The following MYH10 variants were observed in gnomAD, a reference collection of about 807,000 sequenced individuals.
MYH10 encodes myosin-10.
MYH10 carries 55 observed loss-of-function variants against 257.8 expected under a neutral mutation model. That is an observed-to-expected ratio of 0.21 (90% confidence interval 0.17 to 0.27). The LOEUF is 0.27. MYH10 is among the 10% of genes least tolerant of loss of function. MYH10 has a pLI of 1.00. For missense variants in MYH10, 1,631 were observed against 2,500.6 expected (o/e 0.65, Z 7.42); for synonymous variants, 854 against 921.7 (o/e 0.93, Z 1.33).
intron 21 of MYH10, among the ~76,000 whole-genome samples, chr17:8,516,302 T>C (rs2081467569): frequency 6.6e-6 from 1 of 152,226 alleles, no homozygotes; most frequent in Non-Finnish European, 1.5e-5. Flanking sequence ...AGTTCATGGA[T>C]TTCTGTAAAG....
chr17:8,480,630 C>G (rs763038488), intron 38 of MYH10, 105 bp from the exon 39 acceptor site: 4 of 1,479,132 alleles, frequency 2.7e-6, no homozygotes, highest in Non-Finnish European at 3.7e-6. Flanking sequence ...CCTGAGCAGC[C>G]ATCCTGAATT....
intron 6 of MYH10, among the ~76,000 whole-genome samples, chr17:8,571,139 T>C (rs2152004303): frequency 6.6e-6 from 1 of 151,614 alleles, no homozygotes; most frequent in East Asian, 1.9e-4. Flanking sequence ...TTTTCCTCAC[T>C]TCAAAACCCT....
chr17:8,584,929 C>T (rs1027497717), intron 4 of MYH10, among the ~76,000 whole-genome samples: 5 of 152,044 alleles, frequency 3.3e-5, no homozygotes, highest in East Asian at 1.9e-4. Flanking sequence ...CCACAACCTC[C>T]GCCTCCCGGG....
rs1003270322 is a variant in MYH10 at position 8,490,638 on chromosome 17, C to G, written c.4672-86G>C. 1 of 1,400,560 alleles carries G rather than the reference C, an allele frequency of 7.1e-7. No homozygotes were observed. The highest frequency in any genetic ancestry group is 2.3e-5 in the East Asian group (1 of 43,338). The allele number at this position is 1,400,560 out of a possible 1,614,324, so 86.8% of individuals were successfully genotyped here. On this transcript the variant is annotated intron_variant, in intron 34 of 42. Transcript: ENST00000360416. This position sits in a 1 kb window ranked among gnomAD's most constrained non-coding sequence, Gnocchi z 4.1. ...AGTCTTACTGTTTTACAGGCCCACT[C>G]GTGGCATGCTGGCCACTTTGGTCCC...
At chr17:8,522,116 G>T (rs2081674506) in intron 17 of MYH10, among the ~76,000 whole-genome samples, 1 of 152,180 alleles carries the variant, frequency 6.6e-6, no homozygotes, top group Non-Finnish European at 1.5e-5. Context: ...TTATTGAAAA[G>T]AAGTTAAATG....
At chr17:8,576,558 G>T in intron 6 of MYH10, 85 bp downstream of exon 6, 1 of 1,278,118 alleles carries the variant, frequency 7.8e-7, no homozygotes, top group Non-Finnish European at 1.1e-6. Flanking sequence ...AGAACTAGTG[G>T]CATTTGATTC....
At chr17:8,601,685 GA>G (rs1321061150) in intron 3 of MYH10, among the ~76,000 whole-genome samples, 1 of 152,030 alleles carries the variant, frequency 6.6e-6, no homozygotes, top group Non-Finnish European at 1.5e-5. Flanking sequence ...ATGAATGTAT[GA>G]TTTTTTGCAG....
chr17:8,489,565 A>G (rs902659622), intron 35 of MYH10, among the ~76,000 whole-genome samples: 10 of 152,116 alleles, frequency 6.6e-5, no homozygotes, highest in African/African-American at 2.4e-4. Flanking sequence ...TTAGCTGGGC[A>G]TGGTGGTGTG....
intron 36 of MYH10, among the ~76,000 whole-genome samples, chr17:8,485,189 A>C (rs1914548775): frequency 6.6e-6 from 1 of 152,240 alleles, no homozygotes; most frequent in Non-Finnish European, 1.5e-5. Context: ...AACATCAATT[A>C]TATTTCTATA....
chr17:8,561,512 G>A (rs62062489), intron 7 of MYH10: 79,584 of 1,436,044 alleles, frequency 0.055, 2,609 homozygotes, highest in South Asian at 0.082. Flanking sequence ...CGCAAGGACC[G>A]AACACCCCCA....
At chr17:8,570,717 C>T (rs1223886616) in intron 6 of MYH10, among the ~76,000 whole-genome samples, 2 of 152,122 alleles carry the variant, frequency 1.3e-5, no homozygotes, top group Non-Finnish European at 2.9e-5. Context: ...AAATGCGATA[C>T]TCTAAGCAAA....
At chr17:8,579,894 GT>G (rs2083639141) in intron 4 of MYH10, among the ~76,000 whole-genome samples, 2 of 152,080 alleles carry the variant, frequency 1.3e-5, no homozygotes, top group Admixed American at 1.3e-4. Flanking sequence ...TAATCTAATT[GT>G]TTCCCCTAGA....
chr17:8,514,970 GC>G (rs1009640272), intron 21 of MYH10, among the ~76,000 whole-genome samples: 7 of 152,014 alleles, frequency 4.6e-5, no homozygotes, highest in Admixed American at 1.3e-4. Flanking sequence ...AGTCTCCTGG[GC>G]CCCGCTAACA....
At position 8,557,097 on chromosome 17, in the gene MYH10, A is replaced by G. The variant is rs535837754; in HGVS notation, c.757-3079T>C. On this transcript the variant is annotated intron_variant, in intron 7 of 42. Coordinates refer to ENST00000360416, the MANE Select transcript of MYH10 (RefSeq NM_001256012.3). ...AAAGTGTTACTTTTTCCAGTGTATT[A>G]ATATTTACCTTATATTAAAAAAATG... Among the ~76,000 whole-genome samples the G allele has an allele frequency of 5.3e-5, 8 of 152,214 alleles. No individual in the cohort carries two copies. In the East Asian group the frequency reaches 1.5e-3, roughly 29 times the overall value.
At chr17:8,505,010 C>G (rs1227226434) in intron 27 of MYH10, 104 bp from the exon 28 acceptor site, 8 of 905,886 alleles carry the variant, frequency 8.8e-6, no homozygotes, top group African/African-American at 4.9e-5. Flanking sequence ...AGACCCCAGC[C>G]CCACATCCCT....
chr17:8,492,796 T>G lies in MYH10; in HGVS notation c.4438A>C (p.Lys1480Gln), dbSNP rs143410922. The change falls in exon 33 of 43, where the codon AAG becomes CAG. Residue 1480 changes from lysine to glutamine, a missense_variant. Lys to Gln is a moderately conservative substitution (Grantham distance 53). This residue lies in a region of MYH10 where 463 missense variants were observed against 621.8 expected (regional missense o/e 0.74). Coordinates refer to ENST00000360416, the MANE Select transcript of MYH10 (RefSeq NM_001256012.3). ...QRQVASNLEK[K>Q]QKKFDQLLAE... ...CCCACCTGGTCAAACTTCTTCTGCTTCTTCTCCAAGTTGGAGGCGACCTGG... is the reference window on the plus strand; with the variant it reads ...CCCACCTGGTCAAACTTCTTCTGCTGCTTCTCCAAGTTGGAGGCGACCTGG... 5.8e-5 allele frequency: 94 copies of G among 1,613,708 alleles called. No homozygotes were observed. The highest frequency in any genetic ancestry group is 6.8e-5 in the Non-Finnish European group (80 of 1,180,022).
chr17:8,624,936 C>A (rs1229213897), intron 1 of MYH10, among the ~76,000 whole-genome samples: 1 of 151,982 alleles, frequency 6.6e-6, no homozygotes, highest in Non-Finnish European at 1.5e-5. Flanking sequence ...ATATCTAGCC[C>A]TTTAACTACT....
chr17:8,517,117 A>G (rs2081497048), intron 21 of MYH10, among the ~76,000 whole-genome samples: 1 of 152,140 alleles, frequency 6.6e-6, no homozygotes, highest in Non-Finnish European at 1.5e-5. Context: ...CTCCAGCCTC[A>G]GCGACAGAGC....
intron 38 of MYH10, 76 bp downstream of exon 38, chr17:8,481,246 T>C (rs2151777452): frequency 7.1e-7 from 1 of 1,418,286 alleles, no homozygotes; most frequent in Non-Finnish European, 9.8e-7. Flanking sequence ...ATGCCAGGTG[T>C]GTGGACACCT....
Sources: gnomAD v4.1 joint callset for allele counts (sites outside exome capture counted in the v4.1 genomes callset) on GRCh38, gnomAD v4.1.1 for gene constraint, gnomAD v4.1.1 regional missense constraint, Gnocchi (gnomAD v3.1) non-coding constraint, MANE v1.5 for transcripts, NCBI Gene and HGNC (gene_info 2026-07-23, HGNC 2026-07-21) for gene names.